Variants in LRIF1 observed in about 807,000 individuals in gnomAD.
The protein encoded by LRIF1 is ligand dependent nuclear receptor interacting factor 1.
LRIF1 carries 32 observed loss-of-function variants against 52.7 expected under a neutral mutation model. The ratio of observed to expected loss-of-function variants is 0.61; its 90% CI spans 0.46 to 0.82. The LOEUF (loss-of-function observed/expected upper bound fraction) is 0.82. Ranked by LOEUF, LRIF1 falls within the 40% of genes least tolerant of loss-of-function variation. The probability of loss-of-function intolerance (pLI) is 0.00; values close to 1 mark genes in which losing one functional copy is unlikely to be tolerated. For synonymous variants in LRIF1, 323 were observed against 317.4 expected (o/e 1.02, Z -0.19); for missense variants, 887 against 892.0 (o/e 0.99, Z 0.07).
the LRIF1 span, among the ~76,000 whole-genome samples, chr1:110,919,095 C>G: frequency 6.6e-6 from 1 of 152,260 alleles, no homozygotes; most frequent in South Asian, 2.1e-4. Flanking sequence ...AAGTAAATGG[C>G]ACAACAGAGT....
chr1:110,954,409 T>C (rs1162861171), intron 1 of LRIF1, among the ~76,000 whole-genome samples: 1 of 152,158 alleles, frequency 6.6e-6, no homozygotes, highest in Non-Finnish European at 1.5e-5. Flanking sequence ...GCTTCTCAAG[T>C]AGCTGAGACC....
the LRIF1 span, among the ~76,000 whole-genome samples, chr1:110,898,244 G>A: frequency 3.9e-5 from 6 of 152,080 alleles, no homozygotes; most frequent in African/African-American, 4.8e-5. Context: ...AGACGTAGTG[G>A]CAGGTGCCTG....
intron 1 of LRIF1, among the ~76,000 whole-genome samples, chr1:110,956,181 T>A (rs116962818): frequency 6.6e-6 from 1 of 152,210 alleles, no homozygotes; most frequent in Non-Finnish European, 1.5e-5. Flanking sequence ...AGGAGTAAAC[T>A]GACCACAGAA....
the LRIF1 span, among the ~76,000 whole-genome samples, chr1:110,927,329 C>T: frequency 6.6e-6 from 1 of 152,100 alleles, no homozygotes; most frequent in African/African-American, 2.4e-5. Context: ...GAGCTATTGT[C>T]TTTCCTCCTG....
intron 1 of LRIF1, 135 bp downstream of exon 1, chr1:110,963,486 G>C (rs892600607): frequency 5.2e-5 from 33 of 633,438 alleles, no homozygotes; most frequent in Non-Finnish European, 8.2e-5. Flanking sequence ...GGAGACAAGC[G>C]CTTCCCGCCT....
chr1:110,910,426 C>A, the LRIF1 span, among the ~76,000 whole-genome samples: 2 of 152,092 alleles, frequency 1.3e-5, no homozygotes. Flanking sequence ...TGGTGAAACC[C>A]CGTCTCTACT....
At chr1:110,892,520 G>A in the LRIF1 span, 11 of 1,613,550 alleles carry the variant, frequency 6.8e-6, no homozygotes, top group Admixed American at 1.7e-5. Context: ...GAAAACAAGT[G>A]TCTGCTTATG....
chr1:110,934,986 C>A, the LRIF1 span, among the ~76,000 whole-genome samples: 1 of 152,118 alleles, frequency 6.6e-6, no homozygotes, highest in Non-Finnish European at 1.5e-5. Flanking sequence ...TGGTTCAGGA[C>A]AGAGAGAAAC....
chr1:110,929,204 T>C, the LRIF1 span, among the ~76,000 whole-genome samples: 2 of 152,210 alleles, frequency 1.3e-5, no homozygotes, highest in African/African-American at 4.8e-5. Context: ...CTTGCTATTG[T>C]GAATAGTGCT....
In LRIF1 at chr1:110,949,900, C is replaced by T; in HGVS notation, c.1820G>A (p.Gly607Asp). ...CATAAACTCTGTCTCTTTGTAAGTA[C>T]CACTCTTTACCAAACTGCTAAAGGA... The part of the protein sequence containing the change: ...FDSFSSLVKS[G>D]TYKETEFMVK... The change falls in exon 3 of 4, where the codon GGT (glycine) becomes GAT (aspartate). Residue 607 changes from glycine (G) to aspartate (D), a missense_variant. Physicochemically the swap from Gly to Asp is moderately conservative, Grantham distance 94. Coordinates refer to ENST00000369763, the MANE Select transcript of LRIF1 (RefSeq NM_018372.4). 6.2e-7 allele frequency: 1 copy of T among 1,614,040 alleles called. No individual in the cohort carries two copies. Among genetic ancestry groups the T allele is most frequent in the Non-Finnish European group, 8.5e-7 (1 of 1,179,988 alleles).
At chr1:110,933,004 G>A in the LRIF1 span, among the ~76,000 whole-genome samples, 1 of 152,044 alleles carries the variant, frequency 6.6e-6, no homozygotes, top group African/African-American at 2.4e-5. Context: ...TAGATTAATA[G>A]GTATATTTTA....
chr1:110,886,869 A>ATTTTTTT, the LRIF1 span, among the ~76,000 whole-genome samples: 22 of 82,782 alleles, frequency 2.7e-4, no homozygotes, highest in South Asian at 4.3e-4. Context: ...ATATATATAT[A>ATTTTTTT]TTTTTTTTTT....
chr1:110,920,018 A>G, the LRIF1 span, among the ~76,000 whole-genome samples: 1 of 152,246 alleles, frequency 6.6e-6, no homozygotes, highest in South Asian at 2.1e-4. Flanking sequence ...ATCCAATAGA[A>G]TGGCCCAAAT....
At chr1:110,902,987 G>T in the LRIF1 span, among the ~76,000 whole-genome samples, 1 of 152,266 alleles carries the variant, frequency 6.6e-6, no homozygotes, top group Admixed American at 6.5e-5. Context: ...CAGCAATTGT[G>T]TGGCACTGAA....
the LRIF1 span, among the ~76,000 whole-genome samples, chr1:110,878,708 A>ACTTC: frequency 6.6e-6 from 1 of 152,222 alleles, no homozygotes; most frequent in African/African-American, 2.4e-5. Flanking sequence ...TCTACCAAAC[A>ACTTC]CTTCCATTCA....
At chr1:110,959,166 C>CA (rs1278803915) in intron 1 of LRIF1, among the ~76,000 whole-genome samples, 1 of 152,068 alleles carries the variant, frequency 6.6e-6, no homozygotes, top group Admixed American at 6.5e-5. Flanking sequence ...AGCTGGTGTT[C>CA]AAACTGAGAA....
chr1:110,879,917 G>C, the LRIF1 span, among the ~76,000 whole-genome samples: 2 of 151,960 alleles, frequency 1.3e-5, no homozygotes, highest in Admixed American at 1.3e-4. Context: ...TTCTAAGCTT[G>C]ATTAAATTCA....
chr1:110,920,948 T>G, the LRIF1 span, among the ~76,000 whole-genome samples: 1 of 152,142 alleles, frequency 6.6e-6, no homozygotes, highest in Non-Finnish European at 1.5e-5. Context: ...GGAGAAATTC[T>G]AAAAGATATA....
the LRIF1 span, among the ~76,000 whole-genome samples, chr1:110,902,885 G>A: frequency 6.8e-3 from 1,035 of 152,292 alleles, 6 homozygotes; most frequent in African/African-American, 0.019. Flanking sequence ...ATGCTGGAGA[G>A]GTGAGTAAAA....
Sources: allele counts gnomAD v4.1 joint callset (sites outside exome capture counted in the v4.1 genomes callset), GRCh38; gene constraint gnomAD v4.1.1; transcripts MANE v1.5; gene names NCBI Gene and HGNC (gene_info 2026-07-23, HGNC 2026-07-21).